Variants in L3MBTL4 observed in about 807,000 individuals in gnomAD.
L3MBTL4 encodes the protein L3MBTL histone methyl-lysine binding protein 4.
Under a neutral mutation model 84.5 loss-of-function variants are expected in L3MBTL4, and 70 were observed. The observed-to-expected ratio is 0.83, with a 90% CI of 0.68 to 1.01. The LOEUF (loss-of-function observed/expected upper bound fraction) is 1.01, where lower values mean the gene tolerates loss of function less well. L3MBTL4 is among the 50% of genes least tolerant of loss of function. L3MBTL4 has a pLI of 0.00. For synonymous variants in L3MBTL4, 274 were observed against 259.8 expected (o/e 1.05, Z -0.52); for missense variants, 715 against 754.8 (o/e 0.95, Z 0.62).
chr18:5,969,479 G>A lies in L3MBTL4; in HGVS notation c.1528C>T (p.Pro510Ser). 6.2e-7 allele frequency: 1 copy of A among 1,614,082 alleles called. No individual in the cohort carries two copies. The highest frequency in any genetic ancestry group is 8.5e-7 in the Non-Finnish European group (1 of 1,180,022). Residue 510 changes from proline to serine, a missense_variant, in exon 17 of 19, where the codon CCC becomes TCC. Coordinates refer to ENST00000317931, the MANE Select transcript of L3MBTL4 (RefSeq NM_001330559.2). ...TVSAHPFRDL[P>S]LGREQHCKLL... is the part of the protein sequence containing the mutation. ...TTGCAGTGTTGCTCCCTGCCGAGGG[G>A]AAGGTCCCGAAAAGGGTGGGCTGAC...
At chr18:6,308,065 T>G (rs2050671542) in intron 3 of L3MBTL4, among the ~76,000 whole-genome samples, 1 of 152,196 alleles carries the variant, frequency 6.6e-6, no homozygotes, top group African/African-American at 2.4e-5. Flanking sequence ...AATCACCACG[T>G]GCCTACTTTG....
At chr18:5,970,768 T>G (rs1013200603) in intron 16 of L3MBTL4, among the ~76,000 whole-genome samples, 7 of 152,254 alleles carry the variant, frequency 4.6e-5, no homozygotes, top group African/African-American at 9.6e-5. Flanking sequence ...AAAACCATTA[T>G]GCAAATATTT....
Position 6,205,337 on chromosome 18 carries a change from G to A in L3MBTL4, c.981+7812C>T, listed in dbSNP as rs929182628. Among the ~76,000 whole-genome samples the A allele has an allele frequency of 3.9e-5, 6 of 152,214 alleles. No homozygotes were observed. The East Asian group carries it at 1.2e-3, about 29-fold the overall frequency. ...AGAGCTTCCAGAAGGAACCAGCCTT[G>A]CGGACACCTTCATTTTAGACCAGTG... On this transcript the variant is annotated intron_variant, in intron 12 of 18. Coordinates refer to ENST00000317931, the MANE Select transcript of L3MBTL4 (RefSeq NM_001330559.2).
In L3MBTL4 at chr18:6,279,471, T is replaced by C. The variant is rs1377138559; in HGVS notation, c.128-15433A>G. Reference sequence around the variant, plus strand: ...TCACTTTAACAGCAGGACTGAATGCTGAACAGAATTCCTGAATGGGCCCAG... The same window carrying C: ...TCACTTTAACAGCAGGACTGAATGCCGAACAGAATTCCTGAATGGGCCCAG... On this transcript the variant is annotated intron_variant, in intron 4 of 18. Transcript: ENST00000317931. Among the ~76,000 whole-genome samples the C allele has an allele frequency of 5.9e-5, 9 of 152,298 alleles. No individual in the cohort carries two copies. In the East Asian group the frequency reaches 1.7e-3, roughly 29 times the overall value.
At chr18:5,959,680 C>T (rs2095252496) in intron 18 of L3MBTL4, among the ~76,000 whole-genome samples, 1 of 152,162 alleles carries the variant, frequency 6.6e-6, no homozygotes, top group African/African-American at 2.4e-5. Context: ...AGGGAGGATT[C>T]CTGCCTTCCC....
At chr18:5,978,508 G>T (rs629505) in intron 16 of L3MBTL4, among the ~76,000 whole-genome samples, 84,538 of 151,934 alleles carry the variant, frequency 0.56, 24,209 homozygotes, top group East Asian at 0.94. Context: ...CATAACTGAA[G>T]GAACACCAGC....
intron 7 of L3MBTL4, among the ~76,000 whole-genome samples, chr18:6,242,524 C>A (rs565015581): frequency 4.3e-4 from 66 of 152,314 alleles, no homozygotes; most frequent in African/African-American, 1.5e-3. Flanking sequence ...TAGCCTGTCA[C>A]CAGCTTCCTC....
intron 4 of L3MBTL4, among the ~76,000 whole-genome samples, chr18:6,264,414 TC>T (rs1256466008): frequency 1.3e-5 from 2 of 152,350 alleles, no homozygotes; most frequent in African/African-American, 4.8e-5. Context: ...CCTTCCACTT[TC>T]ATACTTCTTT....
At chr18:6,061,257 T>C (rs894002009) in intron 16 of L3MBTL4, among the ~76,000 whole-genome samples, 4 of 152,138 alleles carry the variant, frequency 2.6e-5, no homozygotes, top group Non-Finnish European at 5.9e-5. Flanking sequence ...ATATATGATG[T>C]TGATCTTTTA....
Position 6,171,911 on chromosome 18 carries a change from T to C in L3MBTL4, c.1013A>G (p.Asp338Gly). 1 of 1,555,322 alleles carries C rather than the reference T, an allele frequency of 6.4e-7. No individual in the cohort carries two copies. Among genetic ancestry groups the C allele is most frequent in the Non-Finnish European group, 8.7e-7 (1 of 1,148,012 alleles). The change falls in exon 13 of 19, where the codon GAC (aspartate) becomes GGC (glycine). Residue 338 changes from aspartate to glycine, a missense_variant. Physicochemically the swap from Asp to Gly is moderately conservative, Grantham distance 94. Coordinates refer to ENST00000317931, the MANE Select transcript of L3MBTL4 (RefSeq NM_001330559.2). The part of the protein sequence containing the change: ...VHFDGWDHKY[D>G]YWVEADSPDI... ...AGGGCTGTCTGCCTCCACCCAGTAGTCATACTTATGGTCCCAACCATCAAA... is the reference window on the plus strand; with the variant it reads ...AGGGCTGTCTGCCTCCACCCAGTAGCCATACTTATGGTCCCAACCATCAAA...
chr18:6,292,348 C>T, intron 4 of L3MBTL4, among the ~76,000 whole-genome samples: 1 of 152,190 alleles, frequency 6.6e-6, no homozygotes, highest in East Asian at 1.9e-4. Context: ...ATGATTTCTA[C>T]ACATTGTTCT....
At chr18:6,300,579 T>C (rs2050295808) in intron 4 of L3MBTL4, among the ~76,000 whole-genome samples, 2 of 152,328 alleles carry the variant, frequency 1.3e-5, no homozygotes, top group Non-Finnish European at 1.5e-5. Context: ...CTGGATGTAA[T>C]GAAACCGTAA....
chr18:6,321,089 T>C (rs1345930437), intron 1 of L3MBTL4, among the ~76,000 whole-genome samples: 2 of 152,004 alleles, frequency 1.3e-5, no homozygotes, highest in African/African-American at 4.8e-5. Context: ...CTCAAGATAA[T>C]CAAAGATTTA....
intron 10 of L3MBTL4, among the ~76,000 whole-genome samples, chr18:6,218,212 G>A (rs1355098493): frequency 6.6e-6 from 1 of 152,132 alleles, no homozygotes; most frequent in Non-Finnish European, 1.5e-5. Context: ...AAACTCCTGG[G>A]CTCATGTTGT....
At chr18:6,083,985 T>A (rs1483571063) in intron 15 of L3MBTL4, among the ~76,000 whole-genome samples, 1 of 152,144 alleles carries the variant, frequency 6.6e-6, no homozygotes, top group Non-Finnish European at 1.5e-5. Context: ...CACAAGACAA[T>A]ACTAGTGGCT....
intron 1 of L3MBTL4, chr18:6,397,569 C>A (rs11081232): frequency 0.15 from 22,953 of 152,070 alleles, 2,168 homozygotes; most frequent in East Asian, 0.27. Context: ...ATTTTTCAGG[C>A]TAGGCACGGT....
intron 15 of L3MBTL4, among the ~76,000 whole-genome samples, chr18:6,085,008 A>G (rs749551644): frequency 2.0e-5 from 3 of 152,206 alleles, no homozygotes; most frequent in Non-Finnish European, 4.4e-5. Flanking sequence ...GCATGTGTGT[A>G]GGTTTGGATA....
At chr18:6,265,110 G>A (rs1157818171) in intron 4 of L3MBTL4, among the ~76,000 whole-genome samples, 1 of 152,208 alleles carries the variant, frequency 6.6e-6, no homozygotes, top group Non-Finnish European at 1.5e-5. Context: ...TGGTAAATGT[G>A]TAATAGATTA....
intron 12 of L3MBTL4, among the ~76,000 whole-genome samples, chr18:6,183,401 C>T (rs1174707530): frequency 1.4e-4 from 21 of 152,222 alleles, no homozygotes; most frequent in Admixed American, 1.3e-3. Flanking sequence ...GTGGCCGACG[C>T]TGCGCCTTCA....
Sources: gnomAD v4.1 joint callset for allele counts (sites outside exome capture counted in the v4.1 genomes callset) on GRCh38, gnomAD v4.1.1 for gene constraint, MANE v1.5 for transcripts, NCBI Gene and HGNC (gene_info 2026-07-23, HGNC 2026-07-21) for gene names.